Variants in C1orf54 observed in about 807,000 individuals in gnomAD.
C1orf54 encodes uncharacterized protein C1orf54.
Under a neutral mutation model 14.7 loss-of-function variants are expected in C1orf54, and 12 were observed. The ratio of observed to expected loss-of-function variants is 0.82; its 90% CI spans 0.52 to 1.32. C1orf54 has a LOEUF of 1.32. Ranked by LOEUF, C1orf54 falls within the 40% of genes most tolerant of loss-of-function variation. C1orf54 has a pLI of 0.00. For synonymous variants in C1orf54, 65 were observed against 56.3 expected, an observed-to-expected ratio of 1.16 and a Z score of -0.70; for missense variants, 163 against 162.2, an observed-to-expected ratio of 1.00 and a Z score of -0.03.
chr1:150,269,373 G>A (rs1652044468), upstream of C1orf54: 1 of 156,930 alleles, frequency 6.4e-6, no homozygotes, highest in Non-Finnish European at 1.4e-5. Context: ...GGCGCAGGGA[G>A]ATAGGGACGG....
chr1:150,278,371 G>C (rs891683331), intron 4 of C1orf54, among the ~76,000 whole-genome samples: 1 of 152,226 alleles, frequency 6.6e-6, no homozygotes, highest in African/African-American at 2.4e-5. Flanking sequence ...TGGGAGGCCA[G>C]AGTGGTTTAG....
At chr1:150,278,060 G>A (rs1553852867) in intron 4 of C1orf54, among the ~76,000 whole-genome samples, 1 of 151,602 alleles carries the variant, frequency 6.6e-6, no homozygotes, top group African/African-American at 2.4e-5. Flanking sequence ...TCGCGCTATT[G>A]CACTCCAGCC....
intron 4 of C1orf54, among the ~76,000 whole-genome samples, chr1:150,278,642 G>C (rs1283340876): frequency 6.6e-6 from 1 of 152,178 alleles, no homozygotes; most frequent in Non-Finnish European, 1.5e-5. Context: ...AGCCAAGTTT[G>C]TATTATAGAG....
rs782242226 is a variant in C1orf54 at position 150,274,204 on chromosome 1, C to T, written c.130+34C>T. On this transcript the variant is annotated intron_variant, in intron 2 of 5. Transcript: ENST00000369099. The stretch of plus-strand genomic sequence containing the variant: ...ATGAAAGGCTCTTGCCCTTAGCCAA[C>T]TGGAGAGAGGCTTCAGGATATTTAG... 11 of 1,432,956 alleles carry T rather than the reference C, an allele frequency of 7.7e-6. 1 individual carries two copies. In the South Asian group the frequency reaches 1.3e-4, roughly 17 times the overall value. The allele number at this position is 1,432,956 out of a possible 1,614,324, so 88.8% of individuals were successfully genotyped here.
rs1423538963 is a variant in C1orf54, at chr1:150,280,898, T to C, written c.*67T>C. 6.5e-7 allele frequency: 1 copy of C among 1,548,838 alleles called. No individual in the cohort carries two copies. The highest frequency in any genetic ancestry group is 1.4e-5 in the African/African-American group (1 of 72,996). On this transcript the variant is annotated 3_prime_UTR_variant, in exon 6 of 6. Coordinates refer to ENST00000369099, the MANE Select transcript of C1orf54 (RefSeq NM_024579.4). ...GGCAAGAGGAAATTGGAAGATAAAA[T>C]AAATAATAAGTGAAATAATCTGGTT...
intron 2 of C1orf54, among the ~76,000 whole-genome samples, chr1:150,275,022 C>A (rs189696116): frequency 6.9e-6 from 1 of 144,388 alleles, no homozygotes; most frequent in Non-Finnish European, 1.5e-5. Flanking sequence ...CATAGCAAGA[C>A]CTTGTCTCTA....
intron 4 of C1orf54, 122 bp downstream of exon 4, chr1:150,276,754 G>A (rs951962468): frequency 2.7e-6 from 2 of 734,402 alleles, no homozygotes; most frequent in East Asian, 5.2e-5. Context: ...GTACTTCATT[G>A]CAGGTATTCA....
At chr1:150,278,614 C>T (rs1211619192) in intron 4 of C1orf54, among the ~76,000 whole-genome samples, 3 of 152,158 alleles carry the variant, frequency 2.0e-5, no homozygotes, top group East Asian at 1.9e-4. Flanking sequence ...AAGGATTTGA[C>T]TGGAGAAGTA....
chr1:150,272,116 G>A (rs926004618), upstream of C1orf54, among the ~76,000 whole-genome samples: 1 of 151,950 alleles, frequency 6.6e-6, no homozygotes. Context: ...CTCCAACCTG[G>A]GTGACAAAGC....
upstream of C1orf54, chr1:150,268,830 G>C (rs2275780): frequency 1.8e-5 from 29 of 1,602,154 alleles, no homozygotes; most frequent in African/African-American, 3.7e-4. Context: ...GGTGGGAAGG[G>C]GGGTGGGGGC....
upstream of C1orf54, chr1:150,272,782 CT>C (rs1553851521): frequency 1.2e-6 from 2 of 1,612,676 alleles, no homozygotes; most frequent in Non-Finnish European, 8.5e-7. Context: ...CTGTAATTTC[CT>C]TTTTTACTTT....
At chr1:150,278,438 A>C (rs2101879833) in intron 4 of C1orf54, among the ~76,000 whole-genome samples, 1 of 152,316 alleles carries the variant, frequency 6.6e-6, no homozygotes, top group African/African-American at 2.4e-5. Context: ...CAGCCCTATG[A>C]GGGTGTCCTA....
Position 150,275,765 on chromosome 1 carries a change from T to C in C1orf54, c.155T>C (p.Ile52Thr), listed in dbSNP as rs781793956. 2.7e-5 allele frequency: 43 copies of C among 1,612,594 alleles called. No homozygotes were observed. Among genetic ancestry groups the C allele is most frequent in the Admixed American group, 1.3e-4 (8 of 59,984 alleles). ...SYDDFSADFT[I>T]DYSIFESEDR... ...GATGACTTTAGTGCAGATTTCACCATTGATTACTCCATATTTGAGTCAGAG... is the reference window on the plus strand; with the variant it reads ...GATGACTTTAGTGCAGATTTCACCACTGATTACTCCATATTTGAGTCAGAG... The change falls in exon 3 of 6, where the codon ATT becomes ACT. Residue 52 changes from isoleucine to threonine, a missense_variant. By Grantham distance (89) the Ile-to-Thr change is moderately conservative. Transcript: ENST00000369099.
rs1452015767 is a variant in C1orf54, at chr1:150,279,688, C to T, written c.346C>T (p.Pro116Ser). ...CGTGTCCAGTTTGCGAAGTCCTATTCCCCTCCTCCTGTCGTGTGCCTTTGT... is the reference window on the plus strand; with the variant it reads ...CGTGTCCAGTTTGCGAAGTCCTATTTCCCTCCTCCTGTCGTGTGCCTTTGT... ...DAVSSLRSPI[P>S]LLLSCAFVQV... The change falls in exon 5 of 6, where the codon CCC becomes TCC. Residue 116 changes from proline to serine, a missense_variant. Pro to Ser is a moderately conservative substitution (Grantham distance 74). Transcript: ENST00000369099. 1 of 1,613,142 alleles carries T rather than the reference C, an allele frequency of 6.2e-7. No individual in the cohort carries two copies. Among genetic ancestry groups the T allele is most frequent in the South Asian group, 1.1e-5 (1 of 90,856 alleles).
Position 150,274,117 on chromosome 1 carries a change from G to A in C1orf54, c.77G>A (p.Gly26Glu), listed in dbSNP as rs1560041720. ...GQEYEDEERL[G>E]EDEYYQVVYY... ...GAATATGAGGATGAAGAAAGACTGG[G>A]AGAGGATGAATATTATCAGGTGGTC... Residue 26 changes from glycine (G) to glutamate (E), a missense_variant, in exon 2 of 6, where the codon GGA (glycine) becomes GAA (glutamate). Physicochemically the swap from Gly to Glu is moderately conservative, Grantham distance 98. Coordinates refer to ENST00000369099, the MANE Select transcript of C1orf54 (RefSeq NM_024579.4). 1.9e-6 allele frequency: 3 copies of A among 1,612,502 alleles called. No homozygotes were observed. The highest frequency in any genetic ancestry group is 1.3e-5 in the African/African-American group (1 of 74,888).
At chr1:150,270,269 T>C (rs1215733939), upstream of C1orf54, among the ~76,000 whole-genome samples, 1 of 152,206 alleles carries the variant, frequency 6.6e-6, no homozygotes, top group Non-Finnish European at 1.5e-5. Flanking sequence ...TATTATTTAA[T>C]CCATATGTGC....
At chr1:150,277,476 C>A (rs1652753827) in intron 4 of C1orf54, among the ~76,000 whole-genome samples, 1 of 116,902 alleles carries the variant, frequency 8.6e-6, no homozygotes, top group Non-Finnish European at 1.6e-5. Flanking sequence ...CTACTCCAGC[C>A]TGGGCGACAG....
At chr1:150,274,229 G>C (rs1572101753) in intron 2 of C1orf54, 59 bp downstream of exon 2, 1 of 1,270,052 alleles carries the variant, frequency 7.9e-7, no homozygotes, top group East Asian at 2.3e-5. Context: ...AGGATATTTA[G>C]TTCTGAGACT....
chr1:150,278,742 TA>T (rs1485610029), intron 4 of C1orf54, among the ~76,000 whole-genome samples: 3 of 152,202 alleles, frequency 2.0e-5, no homozygotes, highest in Non-Finnish European at 4.4e-5. Flanking sequence ...AAAGTAGTTT[TA>T]ACTGAGTGCT....
Sources: allele counts gnomAD v4.1 joint callset (sites outside exome capture counted in the v4.1 genomes callset), GRCh38; gene constraint gnomAD v4.1.1; transcripts MANE v1.5; gene names NCBI Gene and HGNC (gene_info 2026-07-23, HGNC 2026-07-21).